LMO7: variants seen among roughly 807,000 people sequenced by gnomAD.
LMO7 encodes LIM domain only protein 7.
A neutral mutation model predicts 206.5 loss-of-function variants in LMO7; 120 were observed. That is an observed-to-expected ratio of 0.58 (90% CI 0.50 to 0.68). The LOEUF (loss-of-function observed/expected upper bound fraction) is 0.68, where lower values mean the gene tolerates loss of function less well. Among genes scored for constraint, LMO7 ranks in the 30% least tolerant of loss-of-function variants. LMO7 has a pLI of 0.00. For missense variants in LMO7, 1,959 were observed against 1,957.9 expected (o/e 1.00, Z -0.01); for synonymous variants, 706 against 681.5 (o/e 1.04, Z -0.56).
chr13:75,710,071 C>G (rs1430179853), intron 1 of LMO7, among the ~76,000 whole-genome samples: 2 of 152,140 alleles, frequency 1.3e-5, no homozygotes, highest in East Asian at 3.8e-4. Flanking sequence ...TTCCTCATTT[C>G]TTGTTTTTGT....
At chr13:75,621,874 A>G in intron 1 of LMO7, 1 of 1,579,266 alleles carries the variant, frequency 6.3e-7, no homozygotes, top group South Asian at 1.2e-5. Flanking sequence ...AAAAGGTAAT[A>G]ATAGTTCCTT....
At chr13:75,637,241 A>G (rs903256654) in intron 1 of LMO7, among the ~76,000 whole-genome samples, 1 of 152,058 alleles carries the variant, frequency 6.6e-6, no homozygotes, top group Non-Finnish European at 1.5e-5. Flanking sequence ...CCGAAGGCCC[A>G]CCTGGAAGGA....
intron 1 of LMO7, among the ~76,000 whole-genome samples, chr13:75,644,220 G>C (rs1028846342): frequency 2.6e-5 from 4 of 152,116 alleles, no homozygotes; most frequent in African/African-American, 9.7e-5. Context: ...ATGACATGTG[G>C]CAAGTGCATT....
intron 1 of LMO7, among the ~76,000 whole-genome samples, chr13:75,660,596 C>G (rs2038489838): frequency 6.6e-6 from 1 of 152,162 alleles, no homozygotes; most frequent in Non-Finnish European, 1.5e-5. Context: ...ACCAGGAGAG[C>G]TCACTGCATC....
intron 4 of LMO7, among the ~76,000 whole-genome samples, chr13:75,775,413 C>T (rs535055076): frequency 1.6e-4 from 24 of 151,890 alleles, no homozygotes; most frequent in African/African-American, 5.1e-4. Context: ...GAATTTATGA[C>T]GAAGTCCTTA....
At chr13:75,645,889 A>C (rs1424868781) in intron 1 of LMO7, among the ~76,000 whole-genome samples, 1 of 152,188 alleles carries the variant, frequency 6.6e-6, no homozygotes, top group Non-Finnish European at 1.5e-5. Context: ...TTCTTTGCCT[A>C]CAGTATCTTT....
chr13:75,765,532 A>G (rs566208786), intron 4 of LMO7, among the ~76,000 whole-genome samples: 2 of 152,204 alleles, frequency 1.3e-5, no homozygotes, highest in East Asian at 3.9e-4. Flanking sequence ...ATTGCATTGT[A>G]TATGTCTCTA....
chr13:75,648,974 A>G (rs1470999587), intron 1 of LMO7, among the ~76,000 whole-genome samples: 3 of 152,182 alleles, frequency 2.0e-5, no homozygotes, highest in East Asian at 1.9e-4. Flanking sequence ...TTTGGGAACT[A>G]TTAGAGAAGG....
rs369620389 is a variant in LMO7 at position 75,807,788 on chromosome 13, G to C, written c.1505G>C (p.Cys502Ser). Residue 502 changes from cysteine (C) to serine (S), a missense_variant, in exon 10 of 31, where the codon TGT (cysteine) becomes TCT (serine). Coordinates refer to ENST00000377534, the MANE Select transcript of LMO7 (RefSeq NM_001306080.2). ...GTAGAGCGAGATATAATTTTACAGT[G>C]TAGAGAAGGTGAACTTGTACTTCCG... is the stretch of plus-strand genomic sequence containing the variant. ...DSVERDIILQ[C>S]REGELVLPDL... is the part of the protein sequence containing the mutation. 2.5e-6 allele frequency: 4 copies of C among 1,613,760 alleles called. No individual in the cohort carries two copies. In the African/African-American group the frequency reaches 5.3e-5, roughly 22 times the overall value.
chr13:75,626,111 C>T (rs2034032706), intron 2 of LMO7, among the ~76,000 whole-genome samples: 1 of 152,180 alleles, frequency 6.6e-6, no homozygotes, highest in East Asian at 1.9e-4. Flanking sequence ...AACTTGGTCT[C>T]TTATCTCCAG....
At chr13:75,720,129 G>A (rs1348623076) in intron 2 of LMO7, among the ~76,000 whole-genome samples, 2 of 152,056 alleles carry the variant, frequency 1.3e-5, no homozygotes, top group Non-Finnish European at 2.9e-5. Context: ...TGTCATCTGT[G>A]TGTCTTCCTT....
chr13:75,664,710 G>A (rs1374385022), intron 1 of LMO7, among the ~76,000 whole-genome samples: 1 of 152,046 alleles, frequency 6.6e-6, no homozygotes, highest in Non-Finnish European at 1.5e-5. Flanking sequence ...CCTGTCTTTT[G>A]GATAAAAGCT....
At chr13:75,809,356 G>T (rs2055992040) in intron 11 of LMO7, among the ~76,000 whole-genome samples, 173 bp downstream of exon 11, 1 of 152,086 alleles carries the variant, frequency 6.6e-6, no homozygotes, top group Admixed American at 6.6e-5. Context: ...CTGTGTCTTG[G>T]TGCCCAGTGC....
chr13:75,743,383 T>C (rs756181166), intron 3 of LMO7, among the ~76,000 whole-genome samples: 91 of 152,034 alleles, frequency 6.0e-4, no homozygotes, highest in Non-Finnish European at 1.2e-3. Flanking sequence ...CATTCTATCA[T>C]AAAGACACAT....
At chr13:75,707,823 C>T (rs560960764) in intron 1 of LMO7, among the ~76,000 whole-genome samples, 51 of 151,654 alleles carry the variant, frequency 3.4e-4, no homozygotes, top group African/African-American at 9.4e-4. Context: ...TTGGAAAGTA[C>T]GTAAGTACAA....
chr13:75,650,883 G>A (rs1259530173), intron 1 of LMO7, among the ~76,000 whole-genome samples: 1 of 152,056 alleles, frequency 6.6e-6, no homozygotes. Flanking sequence ...GTTTGGAGGA[G>A]TCAACTTTAA....
At chr13:75,848,992 C>T (rs772530361) in intron 26 of LMO7, 87 bp from the exon 27 acceptor site, 39 of 763,594 alleles carry the variant, frequency 5.1e-5, no homozygotes, top group Non-Finnish European at 8.0e-5. Flanking sequence ...TTTTGATTTG[C>T]ATTTCCCTGA....
At position 75,839,900 on chromosome 13, in the gene LMO7, A is replaced by G. The variant is rs1486834286; in HGVS notation, c.3452-185A>G. ...TTACTAACTTTGAATTTGAAAGATGAGTAACAGATGGAACTGTTACACCTG... is the reference window on the plus strand; with the variant it reads ...TTACTAACTTTGAATTTGAAAGATGGGTAACAGATGGAACTGTTACACCTG... On this transcript the variant is annotated intron_variant, in intron 20 of 30. Transcript: ENST00000377534. The G allele has an allele frequency of 2.3e-5, 12 of 531,854 alleles. No individual in the cohort carries two copies. The Admixed American group carries it at 3.8e-4, about 17-fold the overall frequency. 32.9% of individuals were successfully genotyped at this position (531,854 alleles called of 1,614,324 possible).
chr13:75,816,922 T>A, intron 11 of LMO7: 1 of 310,454 alleles, frequency 3.2e-6, no homozygotes, highest in Non-Finnish European at 5.9e-6. Context: ...TGTTTGTTTT[T>A]TTTGAGACTT....
Sources: gnomAD v4.1 joint callset for allele counts (sites outside exome capture counted in the v4.1 genomes callset) on GRCh38, gnomAD v4.1.1 for gene constraint, MANE v1.5 for transcripts, NCBI Gene and HGNC (gene_info 2026-07-23, HGNC 2026-07-21) for gene names.